Variants in NRP1 observed in about 807,000 individuals in gnomAD.
NRP1 encodes the protein neuropilin-1.
A neutral mutation model predicts 106.7 loss-of-function variants in NRP1; 35 were observed. That is an observed-to-expected ratio of 0.33 (90% CI 0.25 to 0.43). The LOEUF (loss-of-function observed/expected upper bound fraction) is 0.43, where lower values mean the gene tolerates loss of function less well. Ranked by LOEUF, NRP1 falls within the 20% of genes least tolerant of loss-of-function variation. The pLI is 1.00. For synonymous variants in NRP1, 437 were observed against 417.9 expected (o/e 1.05, Z -0.56); for missense variants, 1,024 against 1,170.4 (o/e 0.87, Z 1.83).
At chr10:33,218,439 G>T (rs1838960207) in intron 8 of NRP1, among the ~76,000 whole-genome samples, 1 of 150,954 alleles carries the variant, frequency 6.6e-6, no homozygotes, top group African/African-American at 2.4e-5. Flanking sequence ...TCTGCCTCCT[G>T]GGTTCACGCC....
In NRP1 at chr10:33,253,497, T is replaced by A. The variant is rs2133171285; in HGVS notation, c.981+531A>T. Among the ~76,000 whole-genome samples the A allele has an allele frequency of 2.0e-5, 3 of 152,318 alleles. No homozygotes were observed. The South Asian group carries it at 6.2e-4, about 32-fold the overall frequency. ...GAGAGTGCCTTCAACCAAACCCCCT[T>A]CTTGGATGTGTGCTATATAGACCTA... On this transcript the variant is annotated intron_variant, in intron 6 of 16. Transcript: ENST00000374867.
At chr10:33,325,188 G>A (rs1847801630) in intron 2 of NRP1, among the ~76,000 whole-genome samples, 1 of 152,030 alleles carries the variant, frequency 6.6e-6, no homozygotes, top group South Asian at 2.1e-4. Context: ...TTTACTAAAG[G>A]TATATATTCT....
intron 10 of NRP1, chr10:33,205,771 C>T (rs138720185): frequency 2.3e-4 from 36 of 157,342 alleles, no homozygotes; most frequent in African/African-American, 7.9e-4. Context: ...TTCCCAGAAG[C>T]AATTTGGGGA....
chr10:33,192,229 G>A lies in NRP1; in HGVS notation c.2062+52C>T, dbSNP rs183523498. 3.4e-5 allele frequency: 54 copies of A among 1,575,954 alleles called. No individual in the cohort carries two copies. In the African/African-American group the frequency reaches 4.6e-4, roughly 13 times the overall value. On this transcript the variant is annotated intron_variant, in intron 13 of 16. Coordinates refer to ENST00000374867, the MANE Select transcript of NRP1 (RefSeq NM_003873.7). Reference sequence around the variant, plus strand: ...GAAACCCTCCCAGTAACACAGCCTCGGAATCAAAGAGAATCTGCAAAGCCA... The same window carrying A: ...GAAACCCTCCCAGTAACACAGCCTCAGAATCAAAGAGAATCTGCAAAGCCA...
Position 33,185,733 on chromosome 10 carries a change from A to G in NRP1, c.2335-9T>C. On this transcript the variant is annotated splice_polypyrimidine_tract_variant and intron_variant, in intron 14 of 16. Coordinates refer to ENST00000374867, the MANE Select transcript of NRP1 (RefSeq NM_003873.7). ...TCGCCCTCGAAAATCACCTAACAAA[A>G]TAAGATCATTTTCACAGTATTGAAA... 1.2e-6 allele frequency: 2 copies of G among 1,609,676 alleles called. No homozygotes were observed. Among genetic ancestry groups the G allele is most frequent in the Non-Finnish European group, 1.7e-6 (2 of 1,175,938 alleles).
intron 2 of NRP1, among the ~76,000 whole-genome samples, chr10:33,325,080 A>G (rs1847794045): frequency 6.6e-6 from 1 of 152,234 alleles, no homozygotes; most frequent in Non-Finnish European, 1.5e-5. Flanking sequence ...GAAGCTGGAA[A>G]TGTTGGCCTC....
chr10:33,262,815 C>T (rs1430721254), intron 4 of NRP1, among the ~76,000 whole-genome samples: 1 of 151,780 alleles, frequency 6.6e-6, no homozygotes, highest in East Asian at 1.9e-4. Flanking sequence ...TTCTTGCTTT[C>T]ATTTGGGGAG....
At chr10:33,237,307 A>C (rs929831704) in intron 6 of NRP1, among the ~76,000 whole-genome samples, 3 of 152,152 alleles carry the variant, frequency 2.0e-5, no homozygotes, top group African/African-American at 7.2e-5. Flanking sequence ...TAAGTGGGGC[A>C]TTATGGGATT....
At chr10:33,289,273 T>C (rs1844810333) in intron 2 of NRP1, among the ~76,000 whole-genome samples, 1 of 152,156 alleles carries the variant, frequency 6.6e-6, no homozygotes, top group African/African-American at 2.4e-5. Context: ...AAAATAGCCA[T>C]AATGACAACA....
At chr10:33,220,346 C>A (rs1839130442) in intron 8 of NRP1, among the ~76,000 whole-genome samples, 1 of 151,816 alleles carries the variant, frequency 6.6e-6, no homozygotes, top group African/African-American at 2.4e-5. Flanking sequence ...AAATTAAATA[C>A]CCCAAATACA....
chr10:33,195,278 C>T (rs1836699986), intron 12 of NRP1: 2 of 337,620 alleles, frequency 5.9e-6, no homozygotes, highest in South Asian at 2.5e-5. Flanking sequence ...GAATATACTC[C>T]GAACTGCTGC....
chr10:33,246,583 AAC>A (rs59215824), intron 6 of NRP1, among the ~76,000 whole-genome samples: 3,636 of 137,566 alleles, frequency 0.026, 54 homozygotes, highest in African/African-American at 0.035. Flanking sequence ...AGTTGCAATA[AAC>A]ACACACACAC....
At chr10:33,316,089 G>A (rs1324064052) in intron 2 of NRP1, among the ~76,000 whole-genome samples, 2 of 152,204 alleles carry the variant, frequency 1.3e-5, no homozygotes, top group South Asian at 2.1e-4. Context: ...AGCACAGACC[G>A]AGGCAGGGAG....
At chr10:33,192,554 A>G (rs1200081469) in intron 12 of NRP1, 136 bp from the exon 13 acceptor site, 2 of 878,494 alleles carry the variant, frequency 2.3e-6, no homozygotes, top group African/African-American at 3.4e-5. Flanking sequence ...AATTCCAGGA[A>G]AGCCAGGATT....
chr10:33,202,549 G>C, intron 11 of NRP1: 1 of 1,395,618 alleles, frequency 7.2e-7, no homozygotes, highest in Non-Finnish European at 9.5e-7. Context: ...GGTTACGTAG[G>C]GGTGGTGCAC....
At chr10:33,211,599 T>G (rs1385679138) in intron 9 of NRP1, 1 of 152,312 alleles carries the variant, frequency 6.6e-6, no homozygotes, top group Non-Finnish European at 1.5e-5. Flanking sequence ...CACCCAGCCC[T>G]GCCAGTGGCC....
chr10:33,248,657 C>G (rs1458453162), intron 6 of NRP1, among the ~76,000 whole-genome samples: 1 of 152,202 alleles, frequency 6.6e-6, no homozygotes, highest in Non-Finnish European at 1.5e-5. Context: ...CAGTCCTTCT[C>G]TTCTGGAACT....
chr10:33,250,834 C>T (rs562309374), intron 6 of NRP1, among the ~76,000 whole-genome samples: 6 of 152,280 alleles, frequency 3.9e-5, no homozygotes, highest in South Asian at 4.1e-4. Flanking sequence ...GGATTAGTGT[C>T]GTATGAGTAG....
intron 2 of NRP1, among the ~76,000 whole-genome samples, chr10:33,313,864 C>T (rs987095945): frequency 1.3e-5 from 2 of 152,178 alleles, no homozygotes; most frequent in Admixed American, 6.5e-5. Context: ...TCTGCCTCTG[C>T]CCCAGACAGT....
Sources: gnomAD v4.1 joint callset for allele counts (sites outside exome capture counted in the v4.1 genomes callset) on GRCh38, gnomAD v4.1.1 for gene constraint, MANE v1.5 for transcripts, NCBI Gene and HGNC (gene_info 2026-07-23, HGNC 2026-07-21) for gene names.